Variants in WDFY1 observed in about 807,000 individuals in gnomAD.
WDFY1 encodes the protein WD repeat and FYVE domain containing 1.
In WDFY1, 32 loss-of-function variants were observed where a neutral mutation model predicts 56.4. The ratio of observed to expected loss-of-function variants is 0.57; its 90% CI spans 0.43 to 0.76. The LOEUF is 0.76. Ranked by LOEUF, WDFY1 falls within the 30% of genes least tolerant of loss-of-function variation. WDFY1 has a pLI of 0.00. For synonymous variants in WDFY1, 192 were observed against 197.3 expected (o/e 0.97, Z 0.23); for missense variants, 480 against 545.7 (o/e 0.88, Z 1.20).
chr2:223,906,753 C>G lies in WDFY1; in HGVS notation c.280-752G>C, dbSNP rs561898818. ...TAGGATGGTCTCGAACTCCTGACCT[C>G]AGGTGATCCACCCACCTTAGCCTCC... On this transcript the variant is annotated intron_variant, in intron 3 of 11. Coordinates refer to ENST00000233055, the MANE Select transcript of WDFY1 (RefSeq NM_020830.5). Among the ~76,000 whole-genome samples the G allele has an allele frequency of 2.4e-3, 362 of 152,060 alleles. 3 individuals are homozygous for G. The highest frequency in any genetic ancestry group is 8.3e-3 in the African/African-American group (343 of 41,480).
Position 223,878,654 on chromosome 2 carries a change from G to A in WDFY1, c.*17C>T, listed in dbSNP as rs1034871472. The A allele has an allele frequency of 1.4e-5, 23 of 1,601,508 alleles. No individual in the cohort carries two copies. Among genetic ancestry groups the A allele is most frequent in the East Asian group, 8.9e-5 (4 of 44,810 alleles). ...GGAGCTGCTGTTCTTAGGTGTGGACGCCGCCCAGCTCTCAGATCAGTGCGG... is the reference window on the plus strand; with the variant it reads ...GGAGCTGCTGTTCTTAGGTGTGGACACCGCCCAGCTCTCAGATCAGTGCGG... On this transcript the variant is annotated 3_prime_UTR_variant, in exon 12 of 12. Transcript: ENST00000233055.
intron 2 of WDFY1, among the ~76,000 whole-genome samples, chr2:223,914,012 T>TTTTG: frequency 6.9e-6 from 1 of 145,762 alleles, no homozygotes; most frequent in African/African-American, 2.6e-5. Flanking sequence ...TTTTTTTTTT[T>TTTTG]TTTTGAGATG....
chr2:223,885,606 G>T (rs1360553830), intron 8 of WDFY1, among the ~76,000 whole-genome samples: 1 of 152,110 alleles, frequency 6.6e-6, no homozygotes, highest in Non-Finnish European at 1.5e-5. Context: ...AACCCTTAAG[G>T]GTTGTCTTTA....
At chr2:223,878,780 A>G (rs762521610) in intron 11 of WDFY1, 50 bp from the exon 12 acceptor site, 74 of 1,611,778 alleles carry the variant, frequency 4.6e-5, no homozygotes, top group Non-Finnish European at 5.9e-5. Context: ...AACCAGGTCT[A>G]ACGGCAAGAG....
intron 9 of WDFY1, among the ~76,000 whole-genome samples, chr2:223,883,943 G>A (rs1693125528): frequency 6.6e-6 from 1 of 152,034 alleles, no homozygotes; most frequent in Non-Finnish European, 1.5e-5. Context: ...ACCATGCAGG[G>A]CCAAAAAAGT....
chr2:223,884,788 T>C, intron 8 of WDFY1, 39 bp from the exon 9 acceptor site: 1 of 1,555,348 alleles, frequency 6.4e-7, no homozygotes, highest in Non-Finnish European at 8.9e-7. Flanking sequence ...TCAGTGTGTC[T>C]ATATTTACTC....
intron 9 of WDFY1, among the ~76,000 whole-genome samples, chr2:223,883,714 T>C (rs1693114913): frequency 6.6e-6 from 1 of 152,174 alleles, no homozygotes; most frequent in African/African-American, 2.4e-5. Context: ...GGCGTGATCT[T>C]GGCTCACCGC....
At chr2:223,923,138 C>A (rs761738655) in intron 1 of WDFY1, among the ~76,000 whole-genome samples, 4 of 152,300 alleles carry the variant, frequency 2.6e-5, no homozygotes, top group Admixed American at 6.5e-5. Flanking sequence ...TGTCTTTACA[C>A]CTTCATCTGG....
At chr2:223,911,712 G>A (rs1389696481) in intron 3 of WDFY1, among the ~76,000 whole-genome samples, 2 of 152,062 alleles carry the variant, frequency 1.3e-5, no homozygotes, top group African/African-American at 2.4e-5. Flanking sequence ...GGGTCAGCCC[G>A]AGCACCCAGC....
chr2:223,888,586 A>ATTTTTTTTTTT (rs71058954), intron 8 of WDFY1, among the ~76,000 whole-genome samples: 1 of 131,394 alleles, frequency 7.6e-6, no homozygotes, highest in Non-Finnish European at 1.5e-5. Flanking sequence ...TAAATTCTCA[A>ATTTTTTTTTTT]TTTTTTTTTT....
chr2:223,882,115 C>T lies in WDFY1; in HGVS notation c.934-43G>A, dbSNP rs956267908. 7 of 1,590,416 alleles carry T rather than the reference C, an allele frequency of 4.4e-6. No individual in the cohort carries two copies. In the Admixed American group the frequency reaches 6.8e-5, roughly 16 times the overall value. The stretch of plus-strand genomic sequence containing the variant: ...AGGAGGAAAACAGGGTGTTAGCTTT[C>T]GCTTTTTGTTTTGTTTTGAGACAGA... On this transcript the variant is annotated intron_variant, in intron 9 of 11. Coordinates refer to ENST00000233055, the MANE Select transcript of WDFY1 (RefSeq NM_020830.5).
Position 223,895,525 on chromosome 2 carries a change from G to A in WDFY1, c.704C>T (p.Thr235Met), listed in dbSNP as rs773617713. 4.3e-5 allele frequency: 70 copies of A among 1,613,826 alleles called. No individual in the cohort carries two copies. The highest frequency in any genetic ancestry group is 6.6e-5 in the South Asian group (6 of 91,084). The part of the protein sequence containing the change: ...MWDIGGRKGR[T>M]LLLQGHHDKV... ...GCACTGATGGCCCTGAAGTAACAGC[G>A]TCCGGCCTTTCCTTCCTCCGATGTC... Residue 235 changes from threonine to methionine, a missense_variant, in exon 7 of 12, where the codon ACG (threonine) becomes ATG (methionine). Coordinates refer to ENST00000233055, the MANE Select transcript of WDFY1 (RefSeq NM_020830.5).
Position 223,881,948 on chromosome 2 carries a change from T to A in WDFY1, c.1058A>T (p.Asp353Val), listed in dbSNP as rs756554803. 7 of 1,613,494 alleles carry A rather than the reference T, an allele frequency of 4.3e-6. No individual in the cohort carries two copies. The African/African-American group carries it at 6.7e-5, about 15-fold the overall frequency. Residue 353 changes from aspartate (D) to valine (V), a missense_variant, in exon 10 of 12, where the codon GAT becomes GTT. Asp to Val is a radical substitution (Grantham distance 152, BLOSUM62 -3). Transcript: ENST00000233055. ...AAAATATGCAAACACTCACTCTTCA[T>A]CTTTGATGGAGTCGTAACAAGAATC... is the stretch of plus-strand genomic sequence containing the variant. ...VCDSCYDSIK[D>V]EDRTSLATFH...
chr2:223,893,594 A>G (rs1044513422), intron 8 of WDFY1, among the ~76,000 whole-genome samples: 7 of 152,140 alleles, frequency 4.6e-5, no homozygotes, highest in Non-Finnish European at 7.4e-5. Context: ...GAACTGGAAG[A>G]CAACTGAGAA....
chr2:223,940,384 A>G (rs573538274), intron 1 of WDFY1, among the ~76,000 whole-genome samples: 1 of 152,280 alleles, frequency 6.6e-6, no homozygotes, highest in Non-Finnish European at 1.5e-5. Flanking sequence ...ACACATACAC[A>G]CTTCTGACGT....
intron 8 of WDFY1, among the ~76,000 whole-genome samples, chr2:223,893,496 C>T (rs942093152): frequency 6.6e-6 from 1 of 151,580 alleles, no homozygotes; most frequent in African/African-American, 2.4e-5. Flanking sequence ...TGCCACTGCA[C>T]TCCAGCCTGG....
chr2:223,897,371 TATATATATATATATATA>T (rs1693403066), intron 6 of WDFY1, among the ~76,000 whole-genome samples: 5 of 65,274 alleles, frequency 7.7e-5, no homozygotes, highest in South Asian at 4.1e-4. Context: ...TATATATATA[TATATATATATATATATA>T]TATTTTTTAA....
rs552132662 is a variant in WDFY1, at chr2:223,877,622, G to A, written c.*1049C>T. 6 of 152,362 alleles carry A rather than the reference G, an allele frequency of 3.9e-5. No homozygotes were observed. The highest frequency in any genetic ancestry group is 1.4e-4 in the African/African-American group (6 of 41,582). The allele number at this position is 152,362 out of a possible 1,614,324, so 9.4% of individuals were successfully genotyped here. A position where few individuals can be genotyped will look rare whatever the true frequency, so the allele number is the denominator to read the frequency against. On this transcript the variant is annotated 3_prime_UTR_variant, in exon 12 of 12. Coordinates refer to ENST00000233055, the MANE Select transcript of WDFY1 (RefSeq NM_020830.5). ...AATTATTGTGGAAGACTTGATGGATGATTATAGCTCTGGGTCACTAACTTC... is the reference window on the plus strand; with the variant it reads ...AATTATTGTGGAAGACTTGATGGATAATTATAGCTCTGGGTCACTAACTTC...
chr2:223,906,873 C>T (rs577338570), intron 3 of WDFY1, among the ~76,000 whole-genome samples: 1 of 151,894 alleles, frequency 6.6e-6, no homozygotes, highest in African/African-American at 2.4e-5. Flanking sequence ...ATTTAAAGTA[C>T]ATGTGTTTTA....
Sources: gnomAD v4.1 joint callset for allele counts (sites outside exome capture counted in the v4.1 genomes callset) on GRCh38, gnomAD v4.1.1 for gene constraint, MANE v1.5 for transcripts, NCBI Gene and HGNC (gene_info 2026-07-23, HGNC 2026-07-21) for gene names.